PTGIS: variants seen among roughly 807,000 people sequenced by gnomAD.
PTGIS encodes prostaglandin I2 synthase, also known as prostacyclin synthase.
PTGIS carries 45 observed loss-of-function variants against 50.3 expected under a neutral mutation model. The ratio of observed to expected loss-of-function variants is 0.90; its 90% CI spans 0.70 to 1.15. The LOEUF (loss-of-function observed/expected upper bound fraction) is 1.15, where lower values mean the gene tolerates loss of function less well. PTGIS is among the 50% of genes most tolerant of loss of function. PTGIS has a pLI of 0.00. For missense variants in PTGIS, 668 were observed against 661.3 expected (o/e 1.01, Z -0.11); for synonymous variants, 260 against 267.7 (o/e 0.97, Z 0.28).
intron 9 of PTGIS, 70 bp downstream of exon 9, chr20:49,510,958 C>G (rs982446942): frequency 1.8e-5 from 27 of 1,484,706 alleles, no homozygotes; most frequent in Admixed American, 5.0e-5. Context: ...CCCTCAGTCC[C>G]AGGAGAGAAG....
chr20:49,514,436 G>A (rs752461009), intron 6 of PTGIS, 41 bp from the exon 7 acceptor site: 20 of 1,604,604 alleles, frequency 1.2e-5, no homozygotes, highest in East Asian at 2.2e-5. Context: ...TATGAGGGCA[G>A]AGCTGACTCG....
chr20:49,513,835 T>C (rs764560695), intron 7 of PTGIS, among the ~76,000 whole-genome samples: 6 of 152,136 alleles, frequency 3.9e-5, no homozygotes, highest in Non-Finnish European at 8.8e-5. Flanking sequence ...GAAGTCAGCC[T>C]TGAGCTGCCA....
intron 1 of PTGIS, among the ~76,000 whole-genome samples, chr20:49,560,689 T>C (rs892557489): frequency 1.3e-5 from 2 of 150,516 alleles, no homozygotes; most frequent in Non-Finnish European, 3.0e-5. Flanking sequence ...GGGAGAAGAG[T>C]GTTACAGGCA....
chr20:49,514,602 C>T (rs1447127659), intron 6 of PTGIS, among the ~76,000 whole-genome samples: 1 of 152,198 alleles, frequency 6.6e-6, no homozygotes, highest in African/African-American at 2.4e-5. Flanking sequence ...CAAGGCCACT[C>T]GTGGCATCCC....
chr20:49,535,420 A>C (rs1982044153), intron 5 of PTGIS, among the ~76,000 whole-genome samples: 1 of 152,252 alleles, frequency 6.6e-6, no homozygotes, highest in Non-Finnish European at 1.5e-5. Flanking sequence ...TATAAAAGCA[A>C]AAAGAAAGAA....
chr20:49,527,149 A>C (rs57839795), intron 5 of PTGIS, among the ~76,000 whole-genome samples: 5,530 of 151,952 alleles, frequency 0.036, 336 homozygotes, highest in African/African-American at 0.13. Flanking sequence ...AAGGAATGAA[A>C]TTCTGACGCA....
chr20:49,539,308 AAC>A (rs762363571), intron 5 of PTGIS, among the ~76,000 whole-genome samples: 4 of 151,890 alleles, frequency 2.6e-5, no homozygotes, highest in African/African-American at 9.6e-5. Context: ...CACAAAAAGG[AAC>A]ACACACACAC....
chr20:49,516,075 C>A (rs1270691942), intron 6 of PTGIS, among the ~76,000 whole-genome samples: 1 of 147,620 alleles, frequency 6.8e-6, no homozygotes, highest in East Asian at 2.0e-4. Flanking sequence ...AGATGGAGGT[C>A]TCCCTATGTT....
chr20:49,544,771 G>A (rs1032694793), intron 3 of PTGIS, among the ~76,000 whole-genome samples: 2 of 152,164 alleles, frequency 1.3e-5, no homozygotes, highest in East Asian at 1.9e-4. Flanking sequence ...CAGCCAAAGC[G>A]GGACTGAAAT....
chr20:49,546,213 C>T (rs182257659), intron 3 of PTGIS, among the ~76,000 whole-genome samples: 1 of 152,198 alleles, frequency 6.6e-6, no homozygotes, highest in Non-Finnish European at 1.5e-5. Context: ...GACATCACGC[C>T]AGCTTGTAAG....
intron 9 of PTGIS, among the ~76,000 whole-genome samples, chr20:49,509,881 CT>C (rs11337451): frequency 0.077 from 7,128 of 92,886 alleles, 330 homozygotes; most frequent in African/African-American, 0.25. Flanking sequence ...TTCTTTCTTT[CT>C]TTTTTTTTTT....
At chr20:49,525,479 C>T (rs917477846) in intron 5 of PTGIS, among the ~76,000 whole-genome samples, 1 of 152,080 alleles carries the variant, frequency 6.6e-6, no homozygotes, top group Non-Finnish European at 1.5e-5. Context: ...TGAGTTAGTA[C>T]ATTTTACCTA....
At chr20:49,550,608 TCTC>T (rs1317571687) in intron 1 of PTGIS, among the ~76,000 whole-genome samples, 1 of 152,204 alleles carries the variant, frequency 6.6e-6, no homozygotes, top group African/African-American at 2.4e-5. Context: ...CTTTGACAAA[TCTC>T]CTGTTGGTGT....
intron 4 of PTGIS, among the ~76,000 whole-genome samples, chr20:49,541,628 G>C (rs1009733035): frequency 2.0e-5 from 3 of 152,148 alleles, no homozygotes; most frequent in African/African-American, 7.2e-5. Context: ...CTACTCAGGA[G>C]GCTGAGGCGA....
chr20:49,544,628 C>T (rs929327391), intron 3 of PTGIS, among the ~76,000 whole-genome samples, 180 bp from the exon 4 acceptor site: 1 of 152,288 alleles, frequency 6.6e-6, no homozygotes, highest in South Asian at 2.1e-4. Flanking sequence ...AACAATAGTT[C>T]CCATCTGTTA....
chr20:49,518,921 C>T (rs546415257), intron 6 of PTGIS, among the ~76,000 whole-genome samples: 7 of 152,126 alleles, frequency 4.6e-5, no homozygotes, highest in Non-Finnish European at 8.8e-5. Flanking sequence ...TCAGGACCAC[C>T]CAGGAATTTC....
chr20:49,517,911 G>A (rs955101184), intron 6 of PTGIS, among the ~76,000 whole-genome samples: 1 of 152,204 alleles, frequency 6.6e-6, no homozygotes, highest in Non-Finnish European at 1.5e-5. Flanking sequence ...TTCAAGTGTG[G>A]GCATGGGACC....
rs1982467633 is a variant in PTGIS, at chr20:49,550,104, G to A, written c.160C>T (p.Leu54Phe). 4 of 1,614,072 alleles carry A rather than the reference G, an allele frequency of 2.5e-6. No individual in the cohort carries two copies. The South Asian group carries it at 4.4e-5, about 18-fold the overall frequency. ...LDFGKDAASF[L>F]TRMKEKHGDI... ...CCGTGCTTCTCCTTCATCCTCGTGA[G>A]GAAGCTGGCAGCATCTTTTCCAAAG... The change falls in exon 2 of 10, where the codon CTC becomes TTC. Residue 54 changes from leucine (L) to phenylalanine (F), a missense_variant. Leu to Phe is a conservative substitution (Grantham distance 22, BLOSUM62 0). Coordinates refer to ENST00000244043, the MANE Select transcript of PTGIS (RefSeq NM_000961.4).
At chr20:49,527,334 G>C (rs1463623650) in intron 5 of PTGIS, among the ~76,000 whole-genome samples, 1 of 151,514 alleles carries the variant, frequency 6.6e-6, no homozygotes, top group Non-Finnish European at 1.5e-5. Flanking sequence ...GTGTGTACCT[G>C]TAATCCCAGC....
Sources: gnomAD v4.1 joint callset for allele counts (sites outside exome capture counted in the v4.1 genomes callset) on GRCh38, gnomAD v4.1.1 for gene constraint, MANE v1.5 for transcripts, NCBI Gene and HGNC (gene_info 2026-07-23, HGNC 2026-07-21) for gene names.